Variants in ACVR2A observed in about 807,000 individuals in gnomAD.
ACVR2A encodes the protein activin A receptor type 2A.
ACVR2A carries 7 observed loss-of-function variants against 61.4 expected under a neutral mutation model. That is an observed-to-expected ratio of 0.11 (90% CI 0.06 to 0.21). The LOEUF (loss-of-function observed/expected upper bound fraction) is 0.21. ACVR2A is among the 10% of genes least tolerant of loss of function. The pLI is 1.00. For missense variants in ACVR2A, 322 were observed against 621.7 expected (o/e 0.52, Z 5.13); for synonymous variants, 193 against 208.3 (o/e 0.93, Z 0.63).
chr2:147,876,985 G>GCCTTATTAGCCTTATT (rs1686173299), intron 1 of ACVR2A, among the ~76,000 whole-genome samples: 4 of 152,018 alleles, frequency 2.6e-5, no homozygotes, highest in African/African-American at 4.8e-5. Flanking sequence ...GGGATAACTG[G>GCCTTATTAGCCTTATT]TAGCCTTATT....
At chr2:147,857,532 TA>T (rs1003153545) in intron 1 of ACVR2A, among the ~76,000 whole-genome samples, 1,523 of 111,454 alleles carry the variant, frequency 0.014, 10 homozygotes, top group East Asian at 0.06. Context: ...TGGTTTTCTT[TA>T]AAAAAAAAAA....
chr2:147,885,750 G>T (rs1409694407), intron 1 of ACVR2A, among the ~76,000 whole-genome samples: 1 of 152,148 alleles, frequency 6.6e-6, no homozygotes, highest in Non-Finnish European at 1.5e-5. Context: ...TGGTGAAGAT[G>T]TAGGTAAAGT....
chr2:147,886,117 A>G (rs1000526459), intron 1 of ACVR2A, among the ~76,000 whole-genome samples: 3 of 152,154 alleles, frequency 2.0e-5, no homozygotes, highest in Admixed American at 6.5e-5. Flanking sequence ...CCAAGTACCT[A>G]AAATCATTCT....
At chr2:147,872,973 C>G (rs1686060233) in intron 1 of ACVR2A, among the ~76,000 whole-genome samples, 1 of 151,876 alleles carries the variant, frequency 6.6e-6, no homozygotes, top group South Asian at 2.1e-4. Context: ...ACAGCTGTGC[C>G]TATTTGTTTG....
At chr2:147,888,762 CTTCCT>C (rs1462923049) in intron 1 of ACVR2A, among the ~76,000 whole-genome samples, 1 of 147,552 alleles carries the variant, frequency 6.8e-6, no homozygotes, top group East Asian at 2.0e-4. Flanking sequence ...AGTTTTATTT[CTTCCT>C]TTCTAGACAG....
intron 1 of ACVR2A, among the ~76,000 whole-genome samples, chr2:147,859,273 C>T (rs1017353633): frequency 6.6e-6 from 1 of 152,064 alleles, no homozygotes; most frequent in Non-Finnish European, 1.5e-5. Flanking sequence ...CCTGATCTCT[C>T]TTCTACCTGC....
chr2:147,889,901 A>G, intron 1 of ACVR2A, among the ~76,000 whole-genome samples: 1 of 151,678 alleles, frequency 6.6e-6, no homozygotes, highest in East Asian at 1.9e-4. Context: ...TAGAACTATT[A>G]TATAAATTAA....
At chr2:147,845,670 C>T (rs1685293801) in intron 1 of ACVR2A, among the ~76,000 whole-genome samples, 1 of 152,184 alleles carries the variant, frequency 6.6e-6, no homozygotes, top group Non-Finnish European at 1.5e-5. Flanking sequence ...AAGCCAGTTG[C>T]TGCTTAATTT....
chr2:147,851,424 G>T (rs1685447683), intron 1 of ACVR2A, among the ~76,000 whole-genome samples: 2 of 152,118 alleles, frequency 1.3e-5, no homozygotes, highest in Admixed American at 6.6e-5. Context: ...CTACCTCAGA[G>T]AGTGGTTTGA....
intron 1 of ACVR2A, among the ~76,000 whole-genome samples, chr2:147,866,798 C>G (rs1028095241): frequency 6.6e-6 from 1 of 152,042 alleles, no homozygotes; most frequent in African/African-American, 2.4e-5. Flanking sequence ...TACTTGTGGC[C>G]CATTCTGATA....
chr2:147,847,787 G>C (rs532680339), intron 1 of ACVR2A, among the ~76,000 whole-genome samples: 1 of 152,232 alleles, frequency 6.6e-6, no homozygotes, highest in East Asian at 1.9e-4. Context: ...TACTTTCTCA[G>C]ATTCTGTTTC....
intron 1 of ACVR2A, among the ~76,000 whole-genome samples, chr2:147,884,881 T>C (rs1037002176): frequency 2.6e-5 from 4 of 152,138 alleles, no homozygotes; most frequent in Non-Finnish European, 5.9e-5. Flanking sequence ...ACTACCTCTA[T>C]TCTTTTGATG....
intron 2 of ACVR2A, among the ~76,000 whole-genome samples, chr2:147,897,290 G>A (rs529470399): frequency 5.9e-5 from 9 of 152,176 alleles, no homozygotes; most frequent in African/African-American, 2.2e-4. Flanking sequence ...TTACAGATGT[G>A]AGCCACCATG....
intron 10 of ACVR2A, among the ~76,000 whole-genome samples, 191 bp downstream of exon 10, chr2:147,926,352 T>G (rs1463338922): frequency 1.3e-5 from 2 of 151,868 alleles, no homozygotes; most frequent in East Asian, 1.9e-4. Flanking sequence ...TGTAAAGTAA[T>G]AGAGCTTTAG....
At chr2:147,908,317 GCATAC>G (rs1183719490) in intron 4 of ACVR2A, among the ~76,000 whole-genome samples, 1 of 152,080 alleles carries the variant, frequency 6.6e-6, no homozygotes. Context: ...AAGAGAATGG[GCATAC>G]CTACGTTTTT....
At chr2:147,900,926 C>T (rs1023184964) in intron 4 of ACVR2A, among the ~76,000 whole-genome samples, 3 of 151,994 alleles carry the variant, frequency 2.0e-5, no homozygotes, top group Non-Finnish European at 2.9e-5. Context: ...ATTTATTTCT[C>T]AGCGCTTGCA....
At chr2:147,847,468 T>C (rs887689046) in intron 1 of ACVR2A, among the ~76,000 whole-genome samples, 1 of 152,196 alleles carries the variant, frequency 6.6e-6, no homozygotes, top group African/African-American at 2.4e-5. Flanking sequence ...TTTTAAAAAT[T>C]CTCAGGTTGT....
At chr2:147,905,296 T>A (rs1002380046) in intron 4 of ACVR2A, among the ~76,000 whole-genome samples, 1 of 152,114 alleles carries the variant, frequency 6.6e-6, no homozygotes. Context: ...CAGATTGATA[T>A]TTTTAATCTT....
At chr2:147,870,215 A>G (rs1433972179) in intron 1 of ACVR2A, among the ~76,000 whole-genome samples, 5 of 152,270 alleles carry the variant, frequency 3.3e-5, no homozygotes, top group Non-Finnish European at 5.9e-5. Context: ...AAAACCTTCT[A>G]TAATCGTAAA....
Sources: allele counts gnomAD v4.1 joint callset (sites outside exome capture counted in the v4.1 genomes callset), GRCh38; gene constraint gnomAD v4.1.1; transcripts MANE v1.5; gene names NCBI Gene and HGNC (gene_info 2026-07-23, HGNC 2026-07-21).